ANKRD11: variants seen among roughly 807,000 people sequenced by gnomAD.
ANKRD11 encodes ankyrin repeat domain-containing protein 11.
In ANKRD11, 17 loss-of-function variants were observed where a neutral mutation model predicts 195.7. The observed-to-expected ratio is 0.09, with a 90% confidence interval of 0.06 to 0.13. ANKRD11 has a LOEUF of 0.13. ANKRD11 is among the 10% of genes least tolerant of loss of function. The pLI is 1.00. For synonymous variants in ANKRD11, 1,953 were observed against 1,528.1 expected, an observed-to-expected ratio of 1.28 and a Z score of -6.49; for missense variants, 3,735 against 3,566.1, an observed-to-expected ratio of 1.05 and a Z score of -1.21.
chr16:89,336,364 G>A lies in ANKRD11; in HGVS notation c.-59-19286C>T, dbSNP rs74033773. Among the ~76,000 whole-genome samples the A allele has an allele frequency of 3.8e-3, 572 of 152,334 alleles. 2 individuals carry two copies. Among genetic ancestry groups the A allele is most frequent in the African/African-American group, 0.013 (545 of 41,572 alleles). ...ATTGTCGTCAGACCTAGAGGCGGGT[G>A]TGCGTCCACAGACAGCACACTGGAT... On this transcript the variant is annotated intron_variant, in intron 2 of 12. Coordinates refer to ENST00000301030, the MANE Select transcript of ANKRD11 (RefSeq NM_013275.6).
At position 89,432,274 on chromosome 16, in the gene ANKRD11, CA is replaced by C. The variant is rs1358243321; in HGVS notation, c.-144-13907del. Among the ~76,000 whole-genome samples, 486 of 150,176 alleles carry C rather than the reference CA, an allele frequency of 3.2e-3. 2 individuals carry two copies. Among genetic ancestry groups the C allele is most frequent in the African/African-American group, 5.4e-3 (218 of 40,570 alleles). On this transcript the variant is annotated intron_variant, in intron 1 of 12. Transcript: ENST00000301030. ...ACACACACACACACACACACACACACACACCCCTGGAAAATAAAAGCTTCAC... is the reference window on the plus strand; with the variant it reads ...ACACACACACACACACACACACACACCACCCCTGGAAAATAAAAGCTTCAC...
intron 4 of ANKRD11, 66 bp downstream of exon 4, chr16:89,305,140 G>A (rs1398677666): frequency 6.9e-6 from 11 of 1,585,654 alleles, no homozygotes; most frequent in African/African-American, 4.0e-5. Context: ...GGCCAGGGAC[G>A]CCCTGCCTGG....
intron 2 of ANKRD11, among the ~76,000 whole-genome samples, chr16:89,361,862 T>C (rs1236415378): frequency 1.3e-5 from 2 of 152,112 alleles, no homozygotes; most frequent in Non-Finnish European, 2.9e-5. Context: ...ATCCGCACTC[T>C]AGATAAGACC....
At chr16:89,354,236 A>T (rs931917392) in intron 2 of ANKRD11, among the ~76,000 whole-genome samples, 15 of 130,258 alleles carry the variant, frequency 1.2e-4, no homozygotes, top group African/African-American at 3.9e-4. Context: ...TAAATTTTGC[A>T]TTCAGCCAAA....
At chr16:89,338,393 G>C (rs1297114892) in intron 2 of ANKRD11, among the ~76,000 whole-genome samples, 1 of 147,670 alleles carries the variant, frequency 6.8e-6, no homozygotes, top group Admixed American at 6.8e-5. Flanking sequence ...AAGGGCCTGA[G>C]TGGAAATCCT....
At chr16:89,462,802 C>T (rs1450161798) in intron 1 of ANKRD11, among the ~76,000 whole-genome samples, 1 of 151,734 alleles carries the variant, frequency 6.6e-6, no homozygotes, top group East Asian at 1.9e-4. Context: ...GCAACCACCC[C>T]GTCTGAGAAG....
intron 1 of ANKRD11, among the ~76,000 whole-genome samples, chr16:89,488,736 C>A (rs1157819480): frequency 6.6e-6 from 1 of 152,168 alleles, no homozygotes; most frequent in Non-Finnish European, 1.5e-5. Flanking sequence ...TCAAAAGATT[C>A]TCTAAGTTTT....
At position 89,281,614 on chromosome 16, in the gene ANKRD11, G is replaced by T. The variant is rs147690079; in HGVS notation, c.4928C>A (p.Pro1643Gln). 4 of 1,614,100 alleles carry T rather than the reference G, an allele frequency of 2.5e-6. No homozygotes were observed. The highest frequency in any genetic ancestry group is 1.7e-5 in the Admixed American group (1 of 60,010). Residue 1643 changes from proline (P) to glutamine (Q), a missense_variant, in exon 9 of 13, where the codon CCG becomes CAG. Transcript: ENST00000301030. This position sits in a 1 kb window ranked among gnomAD's most constrained non-coding sequence, Gnocchi z 5.5. ...GTCTTTAAATGGAGGGTCCAGCCCC[G>T]GCGGTTTCTTAGCAGGAATGTCCAG... is the stretch of plus-strand genomic sequence containing the variant. The part of the protein sequence containing the change: ...KGLDIPAKKP[P>Q]GLDPPFKDKK...
At chr16:89,354,243 CAAAA>C (rs5818711) in intron 2 of ANKRD11, among the ~76,000 whole-genome samples, 5 of 126,218 alleles carry the variant, frequency 4.0e-5, no homozygotes, top group Non-Finnish European at 1.7e-5. Context: ...TGCATTCAGC[CAAAA>C]AAAAAAAAAA....
Position 89,280,449 on chromosome 16 carries a change from C to T in ANKRD11, c.6093G>A (p.Glu2031=), listed in dbSNP as rs780624241. ...SPAPYALPVA[E]PGLEDVKDGV... is the part of the protein sequence containing the mutation. ...CGTCCTTGACGTCCTCCAGCCCCGG[C>T]TCAGCGACGGGCAGAGCGTACGGGG... The change falls in exon 9 of 13, where the codon GAG becomes GAA. Residue 2031 remains glutamate, a synonymous_variant. Transcript: ENST00000301030. The T allele has an allele frequency of 1.9e-6, 3 of 1,587,614 alleles. No individual in the cohort carries two copies. The highest frequency in any genetic ancestry group is 2.6e-6 in the Non-Finnish European group (3 of 1,165,318).
At chr16:89,349,782 T>A (rs1356332619) in intron 2 of ANKRD11, among the ~76,000 whole-genome samples, 2 of 151,834 alleles carry the variant, frequency 1.3e-5, no homozygotes, top group South Asian at 2.1e-4. Flanking sequence ...ACTATGAAGT[T>A]GGACTTCATC....
chr16:89,450,092 T>A (rs1271583308), intron 1 of ANKRD11, among the ~76,000 whole-genome samples: 1 of 152,210 alleles, frequency 6.6e-6, no homozygotes, highest in African/African-American at 2.4e-5. Context: ...ATTGTGTTAC[T>A]GAATGTGTCA....
At chr16:89,355,983 G>A (rs2039455538) in intron 2 of ANKRD11, among the ~76,000 whole-genome samples, 1 of 152,198 alleles carries the variant, frequency 6.6e-6, no homozygotes, top group African/African-American at 2.4e-5. Context: ...GGCTGAGGTG[G>A]GAGGATCACA....
chr16:89,485,937 C>G (rs2057597329), intron 1 of ANKRD11, among the ~76,000 whole-genome samples: 2 of 152,186 alleles, frequency 1.3e-5, no homozygotes, highest in African/African-American at 2.4e-5. Context: ...TTTACAGTCA[C>G]TGAGACCTTG....
intron 7 of ANKRD11, chr16:89,286,846 C>G (rs1286796200): frequency 3.1e-6 from 4 of 1,287,426 alleles, no homozygotes; most frequent in African/African-American, 1.5e-5. Flanking sequence ...GCACTGAACT[C>G]AAGTACAAAT....
chr16:89,351,214 G>A (rs1015827975), intron 2 of ANKRD11, among the ~76,000 whole-genome samples: 2 of 152,336 alleles, frequency 1.3e-5, no homozygotes, highest in African/African-American at 4.8e-5. Context: ...CTGGTGGTGG[G>A]CATGGGCGAG....
intron 2 of ANKRD11, among the ~76,000 whole-genome samples, chr16:89,349,885 CACACACACACACACACACACACACACAT>C (rs908085974): frequency 5.6e-5 from 7 of 125,114 alleles, no homozygotes; most frequent in Non-Finnish European, 1.0e-4. Context: ...CACACACACA[CACACACACACACACACACACACACACAT>C]ATTCAAACAA....
chr16:89,304,302 AGGCACACACGTACACATG>A (rs987725740), intron 4 of ANKRD11, among the ~76,000 whole-genome samples: 40 of 152,014 alleles, frequency 2.6e-4, no homozygotes, highest in African/African-American at 9.2e-4. Context: ...ATGGGCACAC[AGGCACACACGTACACATG>A]GGCACACACA....
intron 2 of ANKRD11, among the ~76,000 whole-genome samples, chr16:89,390,364 G>T (rs1215768618): frequency 1.2e-4 from 18 of 152,040 alleles, no homozygotes; most frequent in African/African-American, 3.6e-4. Flanking sequence ...AGTGTGGCGG[G>T]GAGCACTGAG....
Sources: gnomAD v4.1 joint callset for allele counts (sites outside exome capture counted in the v4.1 genomes callset) on GRCh38, gnomAD v4.1.1 for gene constraint, Gnocchi (gnomAD v3.1) non-coding constraint, MANE v1.5 for transcripts, NCBI Gene and HGNC (gene_info 2026-07-23, HGNC 2026-07-21) for gene names.